VPS35L: variants seen among roughly 807,000 people sequenced by gnomAD.
The protein encoded by VPS35L is VPS35 endosomal protein-sorting factor-like.
Under a neutral mutation model 133.0 loss-of-function variants are expected in VPS35L, and 83 were observed. The ratio of observed to expected loss-of-function variants is 0.62; its 90% CI spans 0.52 to 0.75. The LOEUF (loss-of-function observed/expected upper bound fraction) is 0.75, where lower values mean the gene tolerates loss of function less well. Ranked by LOEUF, VPS35L falls within the 30% of genes least tolerant of loss-of-function variation. The pLI is 0.00. For missense variants in VPS35L, 1,083 were observed against 1,206.8 expected (o/e 0.90, Z 1.52); for synonymous variants, 423 against 449.9 (o/e 0.94, Z 0.76).
chr16:19,561,122 C>A (rs1295779671), intron 1 of VPS35L, among the ~76,000 whole-genome samples: 3 of 152,136 alleles, frequency 2.0e-5, no homozygotes, highest in African/African-American at 7.2e-5. Context: ...GTAATCCCAG[C>A]ACTTTGGGAG....
chr16:19,592,007 G>C (rs746374847), intron 8 of VPS35L, 133 bp downstream of exon 8: 1 of 651,226 alleles, frequency 1.5e-6, no homozygotes. Flanking sequence ...AGATCAAACC[G>C]TTCCCCCCCA....
At chr16:19,591,990 A>G (rs1972059293) in intron 8 of VPS35L, 116 bp downstream of exon 8, 3 of 778,340 alleles carry the variant, frequency 3.9e-6, no homozygotes, top group East Asian at 5.1e-5. Flanking sequence ...TAAGTAAGTC[A>G]TGGGAGAGAT....
chr16:19,614,149 G>A (rs961872608), intron 12 of VPS35L, among the ~76,000 whole-genome samples: 1 of 152,116 alleles, frequency 6.6e-6, no homozygotes, highest in South Asian at 2.1e-4. Flanking sequence ...TCACCTAACA[G>A]ATAATTATTG....
chr16:19,584,042 AT>A (rs371946931), intron 7 of VPS35L, among the ~76,000 whole-genome samples: 1,579 of 152,058 alleles, frequency 0.01, 17 homozygotes, highest in South Asian at 0.067. Flanking sequence ...ACAGAGTTTC[AT>A]TTTTTTATGG....
At chr16:19,601,849 A>G (rs1972394037) in intron 9 of VPS35L, 126 bp downstream of exon 9, 1 of 915,860 alleles carries the variant, frequency 1.1e-6, no homozygotes, top group African/African-American at 1.7e-5. Context: ...AGTAAAAGAA[A>G]CACCTTTGAA....
At chr16:19,680,276 C>T (rs957971168) in intron 27 of VPS35L, among the ~76,000 whole-genome samples, 1 of 152,142 alleles carries the variant, frequency 6.6e-6, no homozygotes, top group Admixed American at 6.5e-5. Flanking sequence ...CACTTCAGTA[C>T]CTGACACATA....
chr16:19,658,657 CAG>C (rs1227492623), intron 26 of VPS35L, among the ~76,000 whole-genome samples: 1 of 150,720 alleles, frequency 6.6e-6, no homozygotes, highest in Non-Finnish European at 1.5e-5. Flanking sequence ...AATTTTAGAG[CAG>C]AGAGAATTAA....
chr16:19,581,526 G>T lies in VPS35L; in HGVS notation c.512G>T (p.Gly171Val). Residue 171 changes from glycine (G) to valine (V), a missense_variant and splice_region_variant, in exon 7 of 31, where the codon GGT becomes GTT. Gly to Val is a moderately radical substitution (Grantham distance 109, BLOSUM62 -3). Coordinates refer to ENST00000417362, the MANE Select transcript of VPS35L (RefSeq NM_020314.7). ...TCACCTTCTGCCTTCTCCCCACAGG[G>T]TTCCCAAAAGGAGCTGTTGAACTTG... is the stretch of plus-strand genomic sequence containing the variant. Reference protein sequence around the residue: ...RLEELDDFEEGSQKELLNLTQ... With the variant: ...RLEELDDFEEVSQKELLNLTQ... 6.3e-7 allele frequency: 1 copy of T among 1,597,186 alleles called. No individual in the cohort carries two copies. Among genetic ancestry groups the T allele is most frequent in the Non-Finnish European group, 8.5e-7 (1 of 1,170,436 alleles).
intron 26 of VPS35L, among the ~76,000 whole-genome samples, chr16:19,668,091 T>C (rs1197019871): frequency 1.3e-5 from 2 of 152,198 alleles, no homozygotes; most frequent in South Asian, 2.1e-4. Context: ...TCATTAAACA[T>C]AGGCCTTTCT....
At chr16:19,596,093 C>A (rs9941187) in intron 8 of VPS35L, among the ~76,000 whole-genome samples, 3,871 of 152,178 alleles carry the variant, frequency 0.025, 174 homozygotes, top group African/African-American at 0.089. Context: ...TGCATAACAG[C>A]CCTATGAGAT....
intron 7 of VPS35L, among the ~76,000 whole-genome samples, chr16:19,590,429 C>G (rs1972009817): frequency 6.6e-6 from 1 of 151,918 alleles, no homozygotes; most frequent in Admixed American, 6.6e-5. Context: ...TGAGGGTCAA[C>G]CATTGAGGTG....
rs1434522397 is a variant in VPS35L at position 19,633,513 on chromosome 16, C to T, written c.1635+341C>T. Among the ~76,000 whole-genome samples the T allele has an allele frequency of 6.6e-6, 1 of 152,160 alleles. No homozygotes were observed. Among genetic ancestry groups the T allele is most frequent in the Non-Finnish European group, 1.5e-5 (1 of 68,020 alleles). ...CTGCGAGTATTTTTAGTTAAATCAA[C>T]TTTGTTTTTTCCTTTTTTTTTGAAA... is the stretch of plus-strand genomic sequence containing the variant. On this transcript the variant is annotated intron_variant, in intron 19 of 30. Transcript: ENST00000417362. The surrounding 1 kb of genome is among the most constrained non-coding windows in gnomAD (Gnocchi z 4.1).
intron 26 of VPS35L, among the ~76,000 whole-genome samples, chr16:19,660,130 G>T (rs1348914028): frequency 6.6e-6 from 1 of 152,068 alleles, no homozygotes; most frequent in Non-Finnish European, 1.5e-5. Context: ...TTCGAGACCA[G>T]CCCGGCCAAC....
At chr16:19,595,211 C>T (rs938288107) in intron 8 of VPS35L, among the ~76,000 whole-genome samples, 6 of 152,008 alleles carry the variant, frequency 3.9e-5, no homozygotes, top group Non-Finnish European at 7.4e-5. Flanking sequence ...GGTGATCCCA[C>T]GTGGGATTTA....
intron 28 of VPS35L, among the ~76,000 whole-genome samples, chr16:19,683,294 CTG>C (rs1235558531): frequency 1.3e-5 from 2 of 152,110 alleles, no homozygotes; most frequent in African/African-American, 4.8e-5. Context: ...TGGAGAAACA[CTG>C]TTTAAAAAAA....
At chr16:19,578,173 T>G in intron 5 of VPS35L, 1 of 430,252 alleles carries the variant, frequency 2.3e-6, no homozygotes, top group South Asian at 1.7e-5. Context: ...GCTACAACAG[T>G]AGAGTTGAGT....
chr16:19,633,185 C>T lies in VPS35L; in HGVS notation c.1635+13C>T, dbSNP rs761134243. On this transcript the variant is annotated intron_variant, in intron 19 of 30. Transcript: ENST00000417362. The surrounding 1 kb of genome is among the most constrained non-coding windows in gnomAD (Gnocchi z 4.1). ...TTCCTACCCCCAGGTAACAGATTTGCATTTCTCATTTCAACATTGTTAGGA... is the reference window on the plus strand; with the variant it reads ...TTCCTACCCCCAGGTAACAGATTTGTATTTCTCATTTCAACATTGTTAGGA... 6.2e-7 allele frequency: 1 copy of T among 1,610,014 alleles called. No individual in the cohort carries two copies. Among genetic ancestry groups the T allele is most frequent in the Non-Finnish European group, 8.5e-7 (1 of 1,176,242 alleles).
intron 14 of VPS35L, among the ~76,000 whole-genome samples, chr16:19,620,314 T>G (rs1973035996): frequency 6.6e-6 from 1 of 152,210 alleles, no homozygotes; most frequent in Non-Finnish European, 1.5e-5. Flanking sequence ...GGTCATTGAA[T>G]TAGACACAAA....
At chr16:19,637,706 G>A (rs1597383898) in intron 20 of VPS35L, 50 bp downstream of exon 20, 3 of 1,301,604 alleles carry the variant, frequency 2.3e-6, no homozygotes, top group East Asian at 4.7e-5. Context: ...TGGCTCAGAG[G>A]TTCTCATTGT....
Sources: allele counts gnomAD v4.1 joint callset (sites outside exome capture counted in the v4.1 genomes callset), GRCh38; gene constraint gnomAD v4.1.1; non-coding constraint Gnocchi (gnomAD v3.1); transcripts MANE v1.5; gene names NCBI Gene and HGNC (gene_info 2026-07-23, HGNC 2026-07-21).